Variants in POLR3A observed in about 807,000 individuals in gnomAD.
POLR3A encodes the protein DNA-directed RNA polymerase III subunit RPC1.
In POLR3A, 112 loss-of-function variants were observed where a neutral mutation model predicts 152.8. That is an observed-to-expected ratio of 0.73 (90% CI 0.63 to 0.86). The LOEUF is 0.86. POLR3A is among the 40% of genes least tolerant of loss of function. The pLI is 0.00. For synonymous variants in POLR3A, 615 were observed against 652.1 expected (o/e 0.94, Z 0.87); for missense variants, 1,385 against 1,743.1 (o/e 0.79, Z 3.66).
rs776828896 is a variant in POLR3A at position 78,004,884 on chromosome 10, G to A, written c.2079C>T (p.Asn693=). 2 of 1,614,012 alleles carry A rather than the reference G, an allele frequency of 1.2e-6. No individual in the cohort carries two copies. Among genetic ancestry groups the A allele is most frequent in the Admixed American group, 1.7e-5 (1 of 60,016 alleles). The change falls in exon 16 of 31, where the codon AAC becomes AAT. Residue 693 remains asparagine (N), a synonymous_variant. Transcript: ENST00000372371. ...CACCGATCCCAATTGAGAAACCACGGTTAGCTGTTGAGTTGGTAGAGCAGG... is the reference window on the plus strand; with the variant it reads ...CACCGATCCCAATTGAGAAACCACGATTAGCTGTTGAGTTGGTAGAGCAGG... ...LARLAPVYLS[N]RGFSIGIGDV... is the part of the protein sequence containing the mutation.
At chr10:77,992,217 T>C (rs977632717) in intron 20 of POLR3A, among the ~76,000 whole-genome samples, 2 of 152,100 alleles carry the variant, frequency 1.3e-5, no homozygotes, top group Non-Finnish European at 1.5e-5. Context: ...CCCTCTTCTG[T>C]TGGCATTTGA....
chr10:78,009,119 C>T (rs543516697), intron 14 of POLR3A, among the ~76,000 whole-genome samples: 41 of 139,970 alleles, frequency 2.9e-4, no homozygotes, highest in African/African-American at 1.1e-3. Context: ...CACCACTGCA[C>T]TCCAGCCTGG....
At chr10:77,980,380 C>A in intron 29 of POLR3A, 107 bp from the exon 30 acceptor site, 1 of 1,091,270 alleles carries the variant, frequency 9.2e-7, no homozygotes, top group East Asian at 2.5e-5. Context: ...CTCCAAGACC[C>A]AACGTCAGGT....
intron 15 of POLR3A, 82 bp from the exon 16 acceptor site, chr10:78,004,970 AT>A: frequency 9.2e-7 from 1 of 1,089,958 alleles, no homozygotes; most frequent in Non-Finnish European, 1.4e-6. Flanking sequence ...CCTGCTAGAT[AT>A]AGTTTGTACT....
chr10:78,004,571 C>T, intron 16 of POLR3A, 145 bp downstream of exon 16: 1 of 689,318 alleles, frequency 1.5e-6, no homozygotes, highest in Non-Finnish European at 2.6e-6. Flanking sequence ...ACAGTGAGCC[C>T]TGGGCCCCAA....
In POLR3A at chr10:78,019,151, GA is replaced by G. The variant is rs761977772; in HGVS notation, c.1289+10del. 15 of 1,590,190 alleles carry G rather than the reference GA, an allele frequency of 9.4e-6. No homozygotes were observed. The Admixed American group carries it at 2.3e-4, about 25-fold the overall frequency. On this transcript the variant is annotated intron_variant, in intron 9 of 30. Coordinates refer to ENST00000372371, the MANE Select transcript of POLR3A (RefSeq NM_007055.4). ...AAGTAGTTAAATCCAACTAGATTGG[GA>G]AAAGATTACCTTTTCATCTGCGTAT... is the stretch of plus-strand genomic sequence containing the variant.
chr10:77,989,184 C>T (rs1232418965), intron 21 of POLR3A, among the ~76,000 whole-genome samples: 1 of 152,212 alleles, frequency 6.6e-6, no homozygotes, highest in Non-Finnish European at 1.5e-5. Context: ...CCCATGCATA[C>T]TAGAGGGAAC....
intron 15 of POLR3A, among the ~76,000 whole-genome samples, chr10:78,006,188 G>C (rs185289808): frequency 6.6e-6 from 1 of 152,072 alleles, no homozygotes; most frequent in Non-Finnish European, 1.5e-5. Flanking sequence ...CTTGAGGTCA[G>C]GAGTTCGAGA....
intron 20 of POLR3A, among the ~76,000 whole-genome samples, chr10:77,992,774 A>C (rs1172785263): frequency 6.6e-6 from 1 of 152,070 alleles, no homozygotes; most frequent in African/African-American, 2.4e-5. Context: ...TTCTCGCCTC[A>C]AGTGATTCTC....
chr10:78,016,838 C>T (rs898688589), intron 10 of POLR3A, among the ~76,000 whole-genome samples: 1 of 148,530 alleles, frequency 6.7e-6, no homozygotes, highest in Non-Finnish European at 1.5e-5. Context: ...TGTGCCACTG[C>T]ACTCCAGCCT....
At chr10:78,018,296 C>G (rs909018217) in intron 9 of POLR3A, among the ~76,000 whole-genome samples, 3 of 151,510 alleles carry the variant, frequency 2.0e-5, no homozygotes, top group African/African-American at 7.3e-5. Context: ...GTCAGGAGTT[C>G]GAAACCAGCC....
intron 16 of POLR3A, among the ~76,000 whole-genome samples, chr10:78,002,800 A>G (rs1369714391): frequency 1.3e-5 from 2 of 152,236 alleles, no homozygotes; most frequent in Non-Finnish European, 2.9e-5. Flanking sequence ...GATTATAGGC[A>G]TAAGCCACCA....
In POLR3A at chr10:78,024,812, T is replaced by C. The variant is rs78463572; in HGVS notation, c.491-109A>G. ...CTGAAACTACTATAGCAATGAAAGA[T>C]GAGAGGTCCGTTTCCCAATAGGACA... On this transcript the variant is annotated intron_variant, in intron 4 of 30. Coordinates refer to ENST00000372371, the MANE Select transcript of POLR3A (RefSeq NM_007055.4). 5,786 of 1,331,556 alleles carry C rather than the reference T, an allele frequency of 4.3e-3. 195 individuals are homozygous for C. The African/African-American group carries it at 0.072, about 16-fold the overall frequency. The allele number at this position is 1,331,556 out of a possible 1,614,324, so 82.5% of individuals were successfully genotyped here. A position where few individuals can be genotyped will look rare whatever the true frequency, so the allele number is the denominator to read the frequency against.
At chr10:78,006,395 CAAAAAAAAAAAAAAA>C (rs36050560) in intron 15 of POLR3A, among the ~76,000 whole-genome samples, 1 of 21,936 alleles carries the variant, frequency 4.6e-5, no homozygotes, top group African/African-American at 1.1e-4. Flanking sequence ...GACTCTGTCT[CAAAAAAAAAAAAAAA>C]AAAAAAAAAA....
At chr10:78,006,786 T>C (rs906139501) in intron 15 of POLR3A, among the ~76,000 whole-genome samples, 1 of 152,078 alleles carries the variant, frequency 6.6e-6, no homozygotes, top group African/African-American at 2.4e-5. Context: ...ACTTTCACAG[T>C]GAGAACAGAG....
At chr10:77,980,658 G>A (rs922891686) in intron 29 of POLR3A, among the ~76,000 whole-genome samples, 1 of 152,164 alleles carries the variant, frequency 6.6e-6, no homozygotes, top group Non-Finnish European at 1.5e-5. Context: ...GGAATATTGT[G>A]CCATAATTTA....
chr10:78,025,876 C>T, intron 2 of POLR3A, 117 bp from the exon 3 acceptor site: 1 of 1,174,114 alleles, frequency 8.5e-7, no homozygotes, highest in Non-Finnish European at 1.3e-6. Flanking sequence ...AATTTCCTTT[C>T]TGAGATCACT....
chr10:78,005,996 G>GT (rs1437976177), intron 15 of POLR3A, among the ~76,000 whole-genome samples: 1 of 152,150 alleles, frequency 6.6e-6, no homozygotes, highest in Admixed American at 6.5e-5. Context: ...GAAAAAGAAA[G>GT]TAAAAGGATA....
At chr10:78,009,325 T>G (rs1009697658) in intron 14 of POLR3A, among the ~76,000 whole-genome samples, 2 of 152,104 alleles carry the variant, frequency 1.3e-5, no homozygotes, top group African/African-American at 4.8e-5. Flanking sequence ...CTGCGTCATG[T>G]GTCTACATGA....
Sources: gnomAD v4.1 joint callset for allele counts (sites outside exome capture counted in the v4.1 genomes callset) on GRCh38, gnomAD v4.1.1 for gene constraint, MANE v1.5 for transcripts, NCBI Gene and HGNC (gene_info 2026-07-23, HGNC 2026-07-21) for gene names.